CDH9: variants seen among roughly 807,000 people sequenced by gnomAD.
CDH9 encodes cadherin-9.
In CDH9, 28 loss-of-function variants were observed where a neutral mutation model predicts 70.9. That is an observed-to-expected ratio of 0.40 (90% CI 0.29 to 0.54). The LOEUF (loss-of-function observed/expected upper bound fraction) is 0.54, where lower values mean the gene tolerates loss of function less well. Among genes scored for constraint, CDH9 ranks in the 20% least tolerant of loss-of-function variants. The pLI, the probability that CDH9 is intolerant of heterozygous loss-of-function variation, is 0.59. For synonymous variants in CDH9, 409 were observed against 343.1 expected (o/e 1.19, Z -2.12); for missense variants, 874 against 984.4 (o/e 0.89, Z 1.50).
intron 2 of CDH9, among the ~76,000 whole-genome samples, chr5:26,925,084 G>A (rs150656215): frequency 1.1e-4 from 16 of 152,198 alleles, no homozygotes; most frequent in African/African-American, 3.4e-4. Context: ...GCATCACTGG[G>A]TCAAATGGTA....
At chr5:27,034,688 G>A (rs141793836) in intron 1 of CDH9, among the ~76,000 whole-genome samples, 62 of 151,608 alleles carry the variant, frequency 4.1e-4, no homozygotes, top group African/African-American at 1.5e-3. Flanking sequence ...TATGTTTGGA[G>A]AGGTGTTTCT....
At chr5:26,981,397 C>T (rs1348335999) in intron 2 of CDH9, among the ~76,000 whole-genome samples, 1 of 152,028 alleles carries the variant, frequency 6.6e-6, no homozygotes, top group Non-Finnish European at 1.5e-5. Context: ...AATTGTTATA[C>T]TATATTGTTT....
intron 2 of CDH9, among the ~76,000 whole-genome samples, chr5:26,929,052 G>A (rs1741395299): frequency 6.6e-6 from 1 of 151,844 alleles, no homozygotes; most frequent in Non-Finnish European, 1.5e-5. Flanking sequence ...AAAGCAAAGA[G>A]ACAACCTAAA....
chr5:26,920,119 G>A (rs1741218600), intron 2 of CDH9, among the ~76,000 whole-genome samples: 1 of 151,980 alleles, frequency 6.6e-6, no homozygotes, highest in African/African-American at 2.4e-5. Flanking sequence ...CAGCATTTCT[G>A]AACCTGCCTG....
At chr5:27,029,834 A>G (rs948458365) in intron 1 of CDH9, among the ~76,000 whole-genome samples, 3 of 152,006 alleles carry the variant, frequency 2.0e-5, no homozygotes, top group Non-Finnish European at 2.9e-5. Context: ...TTTGAGAAGC[A>G]TTGCTTCCTA....
In CDH9 at chr5:26,988,330, T is replaced by C; in HGVS notation, c.4A>G (p.Arg2Gly). Residue 2 changes from arginine (R) to glycine (G), a missense_variant, in exon 2 of 12, where the codon AGG becomes GGG. By Grantham distance (125) the Arg-to-Gly change is moderately radical (BLOSUM62 -2). Coordinates refer to ENST00000231021, the MANE Select transcript of CDH9 (RefSeq NM_016279.4). M[R>G]TYHYIPLFIW... is the part of the protein sequence containing the mutation. Reference sequence around the variant, plus strand: ...AATAATGGTATATAATGGTAAGTCCTCATTATCTGCAACTTCAGTGGGTTG... The same window carrying C: ...AATAATGGTATATAATGGTAAGTCCCCATTATCTGCAACTTCAGTGGGTTG... 6.2e-7 allele frequency: 1 copy of C among 1,607,246 alleles called. No individual in the cohort carries two copies. The highest frequency in any genetic ancestry group is 2.2e-5 in the East Asian group (1 of 44,766).
chr5:26,911,415 G>A (rs575980190), intron 3 of CDH9, among the ~76,000 whole-genome samples: 1 of 152,168 alleles, frequency 6.6e-6, no homozygotes, highest in Admixed American at 6.6e-5. Flanking sequence ...GAACCTCTGG[G>A]ACATGAAGAA....
intron 7 of CDH9, among the ~76,000 whole-genome samples, chr5:26,892,048 A>G (rs912045218): frequency 3.3e-5 from 5 of 152,164 alleles, no homozygotes; most frequent in African/African-American, 7.2e-5. Flanking sequence ...TGAGACACAT[A>G]CTGAACTTCT....
At chr5:26,941,871 G>A (rs964567337) in intron 2 of CDH9, among the ~76,000 whole-genome samples, 1 of 152,164 alleles carries the variant, frequency 6.6e-6, no homozygotes, top group Non-Finnish European at 1.5e-5. Flanking sequence ...AGTCCAAGGT[G>A]CAGAGGGCAC....
At chr5:26,917,070 A>ATT (rs1741161982) in intron 2 of CDH9, among the ~76,000 whole-genome samples, 2 of 152,104 alleles carry the variant, frequency 1.3e-5, no homozygotes, top group African/African-American at 4.8e-5. Flanking sequence ...ACGAATTGAA[A>ATT]AACAACCTTA....
intron 2 of CDH9, among the ~76,000 whole-genome samples, chr5:26,974,036 G>C (rs1487510077): frequency 6.6e-6 from 1 of 152,138 alleles, no homozygotes; most frequent in African/African-American, 2.4e-5. Flanking sequence ...CCTGAGATCA[G>C]GAGTTCAAGA....
intron 1 of CDH9, 57 bp from the exon 2 acceptor site, chr5:26,988,439 A>G: frequency 7.1e-7 from 1 of 1,410,658 alleles, no homozygotes; most frequent in Non-Finnish European, 9.5e-7. Flanking sequence ...CTTTCCCACA[A>G]CGTGTAAACT....
intron 1 of CDH9, among the ~76,000 whole-genome samples, chr5:26,998,772 A>T (rs1355998082): frequency 2.0e-5 from 3 of 152,152 alleles, no homozygotes; most frequent in African/African-American, 7.2e-5. Context: ...AAGTTTTATA[A>T]GGGAAGGAGT....
At chr5:26,912,568 T>G (rs1741072734) in intron 3 of CDH9, among the ~76,000 whole-genome samples, 1 of 151,502 alleles carries the variant, frequency 6.6e-6, no homozygotes, top group Admixed American at 6.6e-5. Flanking sequence ...TTTATCCCCT[T>G]ATATTCTTAT....
intron 1 of CDH9, among the ~76,000 whole-genome samples, chr5:27,014,870 A>G (rs1357533425): frequency 1.3e-5 from 2 of 151,926 alleles, no homozygotes; most frequent in East Asian, 2.0e-4. Flanking sequence ...GAATCTGTGA[A>G]TCCAAAGTGT....
intron 2 of CDH9, among the ~76,000 whole-genome samples, chr5:26,955,041 G>A (rs1336864034): frequency 6.6e-6 from 1 of 152,234 alleles, no homozygotes; most frequent in East Asian, 1.9e-4. Context: ...CTCAAAAAAA[G>A]TTAAATTTAA....
At chr5:26,996,742 C>A (rs1742672824) in intron 1 of CDH9, among the ~76,000 whole-genome samples, 1 of 150,946 alleles carries the variant, frequency 6.6e-6, no homozygotes, top group Admixed American at 6.6e-5. Flanking sequence ...ATCTATATCT[C>A]TATATATCTA....
At chr5:26,973,755 G>A (rs1227912806) in intron 2 of CDH9, among the ~76,000 whole-genome samples, 3 of 151,908 alleles carry the variant, frequency 2.0e-5, no homozygotes, top group South Asian at 2.1e-4. Context: ...TTAATATGAT[G>A]AACACATTTA....
intron 2 of CDH9, among the ~76,000 whole-genome samples, chr5:26,927,543 T>C (rs769005270): frequency 6.6e-6 from 1 of 152,042 alleles, no homozygotes; most frequent in Non-Finnish European, 1.5e-5. Flanking sequence ...ACCGGGTTTG[T>C]GGTCATTAGC....
Sources: allele counts gnomAD v4.1 joint callset (sites outside exome capture counted in the v4.1 genomes callset), GRCh38; gene constraint gnomAD v4.1.1; transcripts MANE v1.5; gene names NCBI Gene and HGNC (gene_info 2026-07-23, HGNC 2026-07-21).